CLASP1: variants seen among roughly 807,000 people sequenced by gnomAD.
CLASP1 encodes the protein cytoplasmic linker associated protein 1.
Under a neutral mutation model 192.3 loss-of-function variants are expected in CLASP1, and 38 were observed. The observed-to-expected ratio is 0.20, with a 90% CI of 0.15 to 0.26. The LOEUF is 0.26. Among genes scored for constraint, CLASP1 ranks in the 10% least tolerant of loss-of-function variants. CLASP1 has a pLI of 1.00. For missense variants in CLASP1, 1,433 were observed against 1,932.5 expected (o/e 0.74, Z 4.85); for synonymous variants, 691 against 712.8 (o/e 0.97, Z 0.49).
intron 34 of CLASP1, among the ~76,000 whole-genome samples, chr2:121,372,686 C>T (rs1464732039): frequency 2.6e-5 from 4 of 152,246 alleles, no homozygotes; most frequent in Non-Finnish European, 5.9e-5. Context: ...CCACTTCCTT[C>T]TGAATTATTC....
Position 121,629,511 on chromosome 2 carries a change from C to A in CLASP1, c.-286+19861G>T, listed in dbSNP as rs1319037203. ...AAAACAATTAGAAAAGCAAACTAGG[C>A]CGGGAGCGGTGGCTCACGCCGGTAA... On this transcript the variant is annotated intron_variant, in intron 1 of 39. Coordinates refer to ENST00000263710, the Ensembl canonical transcript of CLASP1. 2.6e-5 allele frequency among the ~76,000 whole-genome samples: 4 copies of A among 151,926 alleles called. No individual in the cohort carries two copies. In the South Asian group the frequency reaches 6.2e-4, roughly 24 times the overall value.
Position 121,642,372 on chromosome 2 carries a change from C to A in CLASP1, c.-286+7000G>T, listed in dbSNP as rs115426894. On this transcript the variant is annotated intron_variant, in intron 1 of 39. Coordinates refer to ENST00000263710, the Ensembl canonical transcript of CLASP1. ...CCATGATCATACCACCACACTCCAC[C>A]CTGGGTGACAGAGCAGGTATCTTTT... 4.9e-3 allele frequency among the ~76,000 whole-genome samples: 731 copies of A among 150,088 alleles called. 9 individuals are homozygous for A. The highest frequency in any genetic ancestry group is 0.017 in the African/African-American group (707 of 40,756).
chr2:121,389,264 A>G (rs539780046), intron 30 of CLASP1, among the ~76,000 whole-genome samples: 1 of 152,316 alleles, frequency 6.6e-6, no homozygotes, highest in African/African-American at 2.4e-5. Context: ...AGTGGTCATA[A>G]TATTTTTATG....
chr2:121,555,747 C>T (rs537021018), intron 2 of CLASP1, among the ~76,000 whole-genome samples: 1 of 136,134 alleles, frequency 7.3e-6, no homozygotes, highest in African/African-American at 3.5e-5. Context: ...GTGATGCAAT[C>T]TTGGCTCACT....
At chr2:121,510,524 A>C (rs1051952071) in intron 7 of CLASP1, among the ~76,000 whole-genome samples, 2 of 152,232 alleles carry the variant, frequency 1.3e-5, no homozygotes, top group Non-Finnish European at 2.9e-5. Context: ...GACCCCTAAC[A>C]AGTAGAGAAA....
intron 2 of CLASP1, among the ~76,000 whole-genome samples, chr2:121,552,847 C>T (rs545472997): frequency 9.9e-5 from 15 of 152,254 alleles, no homozygotes; most frequent in Middle Eastern, 3.4e-3. Flanking sequence ...TGGGTATATA[C>T]CCAAAGGAAT....
At chr2:121,412,293 T>C (rs1321697544) in intron 23 of CLASP1, among the ~76,000 whole-genome samples, 2 of 152,218 alleles carry the variant, frequency 1.3e-5, no homozygotes, top group Non-Finnish European at 2.9e-5. Flanking sequence ...TCCCCTTTTT[T>C]AATGCATTTG....
Position 121,380,638 on chromosome 2 carries a change from G to C in CLASP1, c.3491+1570C>G, listed in dbSNP as rs549690386. Among the ~76,000 whole-genome samples, 317 of 152,180 alleles carry C rather than the reference G, an allele frequency of 2.1e-3. 1 individual carries two copies. The highest frequency in any genetic ancestry group is 7.3e-3 in the African/African-American group (304 of 41,508). ...CTTCTTCGTCATTTTGTAGGAAAAGGGTACAATGTATAGAATAAGGATAGT... is the reference window on the plus strand; with the variant it reads ...CTTCTTCGTCATTTTGTAGGAAAAGCGTACAATGTATAGAATAAGGATAGT... On this transcript the variant is annotated intron_variant, in intron 33 of 39. Coordinates refer to ENST00000263710, the Ensembl canonical transcript of CLASP1.
chr2:121,474,224 A>G (rs1261798083), intron 8 of CLASP1, among the ~76,000 whole-genome samples: 1 of 152,178 alleles, frequency 6.6e-6, no homozygotes, highest in Non-Finnish European at 1.5e-5. Flanking sequence ...ATGTTGCTGT[A>G]CTAGATGACA....
chr2:121,508,132 T>C (rs935699742), intron 7 of CLASP1, among the ~76,000 whole-genome samples: 19 of 152,168 alleles, frequency 1.2e-4, no homozygotes, highest in African/African-American at 4.6e-4. Context: ...TCTTTTCTTG[T>C]CCTACATAAC....
chr2:121,617,332 C>T (rs1039654752), intron 1 of CLASP1, among the ~76,000 whole-genome samples: 1 of 152,250 alleles, frequency 6.6e-6, no homozygotes, highest in Non-Finnish European at 1.5e-5. Context: ...CCTCCGCTAG[C>T]TCATTCCCAG....
rs1182784177 is a variant in CLASP1 at position 121,357,799 on chromosome 2, C to T, written c.4206+5373G>A. 2.6e-5 allele frequency among the ~76,000 whole-genome samples: 4 copies of T among 152,316 alleles called. No homozygotes were observed. The South Asian group carries it at 8.3e-4, about 32-fold the overall frequency. On this transcript the variant is annotated intron_variant, in intron 37 of 39. Transcript: ENST00000263710. Reference sequence around the variant, plus strand: ...GCTCACAAAATGGTAAGTCTCCTGCCATCTTGGCTCAGCAGGGTTCAACCC... The same window carrying T: ...GCTCACAAAATGGTAAGTCTCCTGCTATCTTGGCTCAGCAGGGTTCAACCC...
chr2:121,339,854 T>C (rs2062629781), exon 40 of CLASP1: 1 of 152,240 alleles, frequency 6.6e-6, no homozygotes, highest in Non-Finnish European at 1.5e-5. Flanking sequence ...AAGTCAGAAC[T>C]AAGATGGTAA....
chr2:121,401,908 A>G lies in CLASP1; in HGVS notation c.2734-38T>C, dbSNP rs1466500650. The G allele has an allele frequency of 5.9e-6, 4 of 681,002 alleles. No individual in the cohort carries two copies. In the Admixed American group the frequency reaches 7.1e-5, roughly 12 times the overall value. 42.2% of individuals were successfully genotyped at this position (681,002 alleles called of 1,614,324 possible). On this transcript the variant is annotated intron_variant, in intron 26 of 39. Coordinates refer to ENST00000263710, the Ensembl canonical transcript of CLASP1. ...CCACCGCAAACGAGGCCATGCAACA[A>G]AACAAATTCCATGTTAGTTGGCAGT...
rs543037471 is a variant in CLASP1 at position 121,509,979 on chromosome 2, T to A, written c.644+5686A>T. On this transcript the variant is annotated intron_variant, in intron 7 of 39. Coordinates refer to ENST00000263710, the Ensembl canonical transcript of CLASP1. ...AACAAATGTAGAAATCAAACACTCC[T>A]AAGTAACAAATAACTCAAAAATGAA... 9.2e-5 allele frequency among the ~76,000 whole-genome samples: 14 copies of A among 152,236 alleles called. No individual in the cohort carries two copies. In the South Asian group the frequency reaches 1.2e-3, roughly 14 times the overall value.
intron 8 of CLASP1, 99 bp from the exon 9 acceptor site, chr2:121,470,059 G>T: frequency 1.0e-6 from 1 of 978,774 alleles, no homozygotes; most frequent in Non-Finnish European, 1.5e-6. Flanking sequence ...ATTAGTCTTC[G>T]AGACTGATTC....
intron 35 of CLASP1, among the ~76,000 whole-genome samples, chr2:121,367,096 C>T (rs140197533): frequency 6.6e-6 from 1 of 152,332 alleles, no homozygotes; most frequent in East Asian, 1.9e-4. Context: ...CAACACAGCT[C>T]CAGGGAGACC....
At chr2:121,516,800 G>T (rs548582033) in intron 6 of CLASP1, among the ~76,000 whole-genome samples, 1 of 152,062 alleles carries the variant, frequency 6.6e-6, no homozygotes, top group African/African-American at 2.4e-5. Flanking sequence ...AGGCCGAAGC[G>T]GGCAGATCAC....
chr2:121,582,505 GAA>G (rs1435189522), intron 2 of CLASP1, among the ~76,000 whole-genome samples: 3 of 148,000 alleles, frequency 2.0e-5, no homozygotes, highest in Non-Finnish European at 4.5e-5. Context: ...GAGGGAGAAA[GAA>G]AGAGAGGAGA....
Sources: gnomAD v4.1 joint callset for allele counts (sites outside exome capture counted in the v4.1 genomes callset) on GRCh38, gnomAD v4.1.1 for gene constraint, MANE v1.5 for transcripts, NCBI Gene and HGNC (gene_info 2026-07-23, HGNC 2026-07-21) for gene names.